The following BIRC6 variants were observed in gnomAD, a reference collection of about 807,000 sequenced individuals.
BIRC6 encodes the protein baculoviral IAP repeat containing 6.
A neutral mutation model predicts 503.3 loss-of-function variants in BIRC6; 98 were observed. That is an observed-to-expected ratio of 0.19 (90% CI 0.17 to 0.23). The LOEUF is 0.23. Ranked by LOEUF, BIRC6 falls within the 10% of genes least tolerant of loss-of-function variation. The pLI is 1.00. For missense variants in BIRC6, 5,360 were observed against 5,806.0 expected, an observed-to-expected ratio of 0.92 and a Z score of 2.50; for synonymous variants, 2,240 against 2,078.7, an observed-to-expected ratio of 1.08 and a Z score of -2.11.
At chr2:32,532,719 G>A (rs1328600236) in intron 61 of BIRC6, among the ~76,000 whole-genome samples, 1 of 152,132 alleles carries the variant, frequency 6.6e-6, no homozygotes, top group African/African-American at 2.4e-5. Context: ...TATGTTATAA[G>A]GTGATTGACA....
chr2:32,518,789 C>T, intron 56 of BIRC6, 28 bp from the exon 57 acceptor site: 1 of 1,603,856 alleles, frequency 6.2e-7, no homozygotes, highest in South Asian at 1.1e-5. Context: ...AAGTTACTTC[C>T]TGATTTCTTT....
chr2:32,399,095 A>AT (rs759154717), intron 6 of BIRC6, among the ~76,000 whole-genome samples: 2 of 151,836 alleles, frequency 1.3e-5, no homozygotes, highest in Admixed American at 1.3e-4. Context: ...TTATTTATTT[A>AT]TTTTTTTGGA....
rs560872382 is a variant in BIRC6 at position 32,618,153 on chromosome 2, A to T, written c.*249A>T. 1 of 328,274 alleles carries T rather than the reference A, an allele frequency of 3.0e-6. No individual in the cohort carries two copies. Among genetic ancestry groups the T allele is most frequent in the African/African-American group, 2.1e-5 (1 of 48,424 alleles). 20.3% of individuals were successfully genotyped at this position (328,274 alleles called of 1,614,324 possible). Reference sequence around the variant, plus strand: ...ATGTTCAACAAATTTGTGTATACAAAGAAATGGATAAATCACTGCTATATA... The same window carrying T: ...ATGTTCAACAAATTTGTGTATACAATGAAATGGATAAATCACTGCTATATA... On this transcript the variant is annotated 3_prime_UTR_variant, in exon 74 of 74. Transcript: ENST00000421745.
chr2:32,486,021 G>A (rs1189851124), intron 40 of BIRC6, among the ~76,000 whole-genome samples: 2 of 152,206 alleles, frequency 1.3e-5, no homozygotes, highest in Non-Finnish European at 2.9e-5. Flanking sequence ...TTTGTTTACT[G>A]TATTGTTGTA....
In BIRC6 at chr2:32,357,226, T is replaced by A. The variant is rs781604012; in HGVS notation, c.65T>A (p.Val22Glu). The change falls in exon 1 of 74, where the codon GTG becomes GAG. Residue 22 changes from valine to glutamate, a missense_variant. By Grantham distance (121) the Val-to-Glu change is moderately radical. Coordinates refer to ENST00000421745, the MANE Select transcript of BIRC6 (RefSeq NM_016252.4). This position sits in a 1 kb window ranked among gnomAD's most constrained non-coding sequence, Gnocchi z 4.9. Reference sequence around the variant, plus strand: ...ACTGAGCCGCTTCCCAGTGTGATTGTGCTGAGCGCAGGCCGGAAGATGGCG... The same window carrying A: ...ACTGAGCCGCTTCCCAGTGTGATTGAGCTGAGCGCAGGCCGGAAGATGGCG... ...TVTEPLPSVI[V>E]LSAGRKMAAA... 4 of 1,531,696 alleles carry A rather than the reference T, an allele frequency of 2.6e-6. No individual in the cohort carries two copies. The East Asian group carries it at 7.8e-5, about 30-fold the overall frequency. The allele number at this position is 1,531,696 out of a possible 1,614,324, so 94.9% of individuals were successfully genotyped here.
intron 50 of BIRC6, among the ~76,000 whole-genome samples, chr2:32,506,780 A>G (rs2053844485): frequency 6.6e-6 from 1 of 152,232 alleles, no homozygotes; most frequent in Non-Finnish European, 1.5e-5. Flanking sequence ...AGAATCAAAC[A>G]TGGACTTGAA....
chr2:32,437,288 G>A (rs146297774), intron 15 of BIRC6, among the ~76,000 whole-genome samples: 46 of 152,112 alleles, frequency 3.0e-4, no homozygotes, highest in African/African-American at 1.1e-3. Context: ...TGAGATAATG[G>A]GCTATCATGT....
At chr2:32,417,158 C>A (rs1343771431) in intron 10 of BIRC6, among the ~76,000 whole-genome samples, 1 of 151,438 alleles carries the variant, frequency 6.6e-6, no homozygotes, top group Non-Finnish European at 1.5e-5. Flanking sequence ...TTCTCAGGGT[C>A]TCACTGTGTT....
intron 39 of BIRC6, among the ~76,000 whole-genome samples, chr2:32,483,503 AG>A (rs2050648757): frequency 1.3e-5 from 2 of 152,340 alleles, no homozygotes; most frequent in African/African-American, 4.8e-5. Context: ...CCTCAAAATC[AG>A]GAAATTAACG....
intron 5 of BIRC6, among the ~76,000 whole-genome samples, chr2:32,394,407 A>G (rs1363632429): frequency 6.6e-6 from 1 of 152,136 alleles, no homozygotes; most frequent in Non-Finnish European, 1.5e-5. Context: ...CTGGCCCTTG[A>G]ATTGAAATAT....
Position 32,415,896 on chromosome 2 carries a change from A to G in BIRC6, c.2605A>G (p.Asn869Asp), listed in dbSNP as rs986572316. The change falls in exon 10 of 74, where the codon AAT (asparagine) becomes GAT (aspartate). Residue 869 changes from asparagine to aspartate, a missense_variant. Coordinates refer to ENST00000421745, the MANE Select transcript of BIRC6 (RefSeq NM_016252.4). ...TTTGCTTCCACCCGATATATTGGAT[A>G]ATCGAGAGGATGACTGTGAGGAACC... ...LILLPPDILD[N>D]REDDCEEPIE... 5.0e-6 allele frequency: 8 copies of G among 1,614,034 alleles called. No individual in the cohort carries two copies. The highest frequency in any genetic ancestry group is 5.9e-6 in the Non-Finnish European group (7 of 1,179,886).
At chr2:32,432,479 A>G (rs748614642) in intron 12 of BIRC6, among the ~76,000 whole-genome samples, 5 of 152,146 alleles carry the variant, frequency 3.3e-5, no homozygotes, top group Non-Finnish European at 7.4e-5. Context: ...ATAAAAGGTC[A>G]GGCATGGTGG....
At chr2:32,492,493 A>G (rs1274915742) in intron 44 of BIRC6, among the ~76,000 whole-genome samples, 1 of 152,086 alleles carries the variant, frequency 6.6e-6, no homozygotes, top group African/African-American at 2.4e-5. Context: ...TGATTATTGT[A>G]CTTAAAGATT....
At position 32,515,201 on chromosome 2, in the gene BIRC6, G is replaced by C. The variant is rs1216820263; in HGVS notation, c.10780G>C (p.Asp3594His). ...GCAGGATCTTAGTTCATCTTTAACA[G>C]ATGACTCTAAAAATGCACAAGCACC... is the stretch of plus-strand genomic sequence containing the variant. Reference protein sequence around the residue: ...KKQDLSSSLTDDSKNAQAPLA... With the variant: ...KKQDLSSSLTHDSKNAQAPLA... The change falls in exon 55 of 74, where the codon GAT becomes CAT. Residue 3594 changes from aspartate (D) to histidine (H), a missense_variant. Coordinates refer to ENST00000421745, the MANE Select transcript of BIRC6 (RefSeq NM_016252.4). 1 of 1,613,748 alleles carries C rather than the reference G, an allele frequency of 6.2e-7. No individual in the cohort carries two copies. Among genetic ancestry groups the C allele is most frequent in the Non-Finnish European group, 8.5e-7 (1 of 1,179,862 alleles).
intron 62 of BIRC6, 136 bp downstream of exon 62, chr2:32,543,677 C>T: frequency 1.3e-6 from 1 of 784,742 alleles, no homozygotes; most frequent in Non-Finnish European, 2.0e-6. Flanking sequence ...TAGCTCACTT[C>T]CAGTATTAGT....
intron 1 of BIRC6, among the ~76,000 whole-genome samples, chr2:32,373,840 A>G (rs185443782): frequency 2.6e-5 from 4 of 152,336 alleles, no homozygotes; most frequent in Non-Finnish European, 5.9e-5. Context: ...AAGCAACCTA[A>G]GTGTCTGTCC....
chr2:32,532,625 T>C (rs1429550102), intron 61 of BIRC6, among the ~76,000 whole-genome samples: 1 of 152,120 alleles, frequency 6.6e-6, no homozygotes, highest in African/African-American at 2.4e-5. Context: ...CTTGAACATA[T>C]CTTGGGAGGA....
intron 4 of BIRC6, among the ~76,000 whole-genome samples, chr2:32,391,189 G>C (rs910977377): frequency 2.0e-5 from 3 of 152,144 alleles, no homozygotes; most frequent in African/African-American, 7.2e-5. Flanking sequence ...TATATTTTAG[G>C]AAATGCAGCC....
Position 32,509,789 on chromosome 2 carries a change from A to T in BIRC6, c.10032A>T (p.Leu3344=). ...ATTGCCTTACTCACATAAGTGATCT[A>T]GAAGGAATGATGGCAAGTGCAGCTG... ...LHHCLTHISD[L]EGMMASAAAP... Residue 3344 remains leucine, a synonymous_variant, in exon 52 of 74, where the codon CTA becomes CTT. Coordinates refer to ENST00000421745, the MANE Select transcript of BIRC6 (RefSeq NM_016252.4). 6.2e-7 allele frequency: 1 copy of T among 1,614,002 alleles called. No individual in the cohort carries two copies. Among genetic ancestry groups the T allele is most frequent in the East Asian group, 2.2e-5 (1 of 44,888 alleles).
Sources: allele counts gnomAD v4.1 joint callset (sites outside exome capture counted in the v4.1 genomes callset), GRCh38; gene constraint gnomAD v4.1.1; non-coding constraint Gnocchi (gnomAD v3.1); transcripts MANE v1.5; gene names NCBI Gene and HGNC (gene_info 2026-07-23, HGNC 2026-07-21).